The following ACACB variants were observed in gnomAD, a reference collection of about 807,000 sequenced individuals.
The protein encoded by ACACB is acetyl-CoA carboxylase beta.
In ACACB, 209 loss-of-function variants were observed where a neutral mutation model predicts 278.8. The observed-to-expected ratio is 0.75, with a 90% CI of 0.67 to 0.84. The LOEUF is 0.84. Among genes scored for constraint, ACACB ranks in the 40% least tolerant of loss-of-function variants. The probability of loss-of-function intolerance (pLI) is 0.00; values close to 1 mark genes in which losing one functional copy is unlikely to be tolerated. For synonymous variants in ACACB, 1,174 were observed against 1,285.6 expected (o/e 0.91, Z 1.86); for missense variants, 2,850 against 3,269.0 (o/e 0.87, Z 3.13).
At chr12:109,258,408 C>G (rs1565981062) in intron 46 of ACACB, 44 bp downstream of exon 46, 3 of 1,539,502 alleles carry the variant, frequency 1.9e-6, no homozygotes, top group Non-Finnish European at 2.7e-6. Flanking sequence ...GCCAGCGGTA[C>G]TGTCGAGAGT....
chr12:109,124,208 C>T (rs1374684927), intron 1 of ACACB, among the ~76,000 whole-genome samples: 1 of 152,076 alleles, frequency 6.6e-6, no homozygotes, highest in Non-Finnish European at 1.5e-5. Context: ...TTATTCAAAT[C>T]AGGACCCACA....
chr12:109,179,332 G>A (rs1403305433), intron 10 of ACACB, 35 bp downstream of exon 10: 1 of 1,596,084 alleles, frequency 6.3e-7, no homozygotes, highest in Admixed American at 1.7e-5. Flanking sequence ...CAGCTTCAGA[G>A]AGAGCCGTCT....
intron 47 of ACACB, 54 bp downstream of exon 47, chr12:109,259,162 C>T: frequency 6.3e-7 from 1 of 1,592,620 alleles, no homozygotes; most frequent in South Asian, 1.1e-5. Context: ...GCACCCAGGA[C>T]AGCACCCTCT....
chr12:109,146,786 C>G (rs962437617), intron 2 of ACACB, among the ~76,000 whole-genome samples: 2 of 152,038 alleles, frequency 1.3e-5, no homozygotes, highest in African/African-American at 4.8e-5. Flanking sequence ...GTGATCCTCC[C>G]GTCTCAGCCT....
chr12:109,140,010 A>T lies in ACACB; in HGVS notation c.605A>T (p.Glu202Val). The T allele has an allele frequency of 6.2e-7, 1 of 1,609,822 alleles. No individual in the cohort carries two copies. The highest frequency in any genetic ancestry group is 8.5e-7 in the Non-Finnish European group (1 of 1,179,528). The change falls in exon 2 of 53, where the codon GAG (glutamate) becomes GTG (valine). Residue 202 changes from glutamate to valine, a missense_variant. Transcript: ENST00000338432. ...GCCAGCTTGGGGGCCCTGTCCCTGG[A>T]GGCTTATCTGACCACAGGTGAAGCT... ...SRASLGALSL[E>V]AYLTTGEAET...
At chr12:109,231,224 A>T (rs1275799552) in intron 28 of ACACB, among the ~76,000 whole-genome samples, 1 of 152,110 alleles carries the variant, frequency 6.6e-6, no homozygotes, top group East Asian at 1.9e-4. Context: ...TCCCCCTGCG[A>T]TGGGGCTGCT....
In ACACB at chr12:109,150,836, C is replaced by T. The variant is rs12302388; in HGVS notation, c.653+10778C>T. Among the ~76,000 whole-genome samples, 673 of 152,294 alleles carry T rather than the reference C, an allele frequency of 4.4e-3. 7 individuals are homozygous for T. The highest frequency in any genetic ancestry group is 0.015 in the African/African-American group (638 of 41,550). On this transcript the variant is annotated intron_variant, in intron 2 of 52. Transcript: ENST00000338432. ...TTTTATGCGCCCCTGAGTGAAATGC[C>T]AAGGATCTTCCTGTAATGTTTAATT...
intron 7 of ACACB, among the ~76,000 whole-genome samples, chr12:109,174,951 C>A (rs1019341258): frequency 1.4e-4 from 22 of 152,032 alleles, no homozygotes; most frequent in African/African-American, 5.1e-4. Flanking sequence ...GTAAAAAATA[C>A]ACTTTACACC....
chr12:109,134,186 G>T (rs1295595617), intron 1 of ACACB, among the ~76,000 whole-genome samples: 1 of 152,108 alleles, frequency 6.6e-6, no homozygotes, highest in African/African-American at 2.4e-5. Context: ...CACCCAGTCG[G>T]TCAGGGAGAA....
intron 7 of ACACB, among the ~76,000 whole-genome samples, chr12:109,175,056 T>C (rs1327479414): frequency 6.6e-6 from 1 of 152,226 alleles, no homozygotes; most frequent in African/African-American, 2.4e-5. Context: ...TTCCAATTTA[T>C]TTTTTCTAAT....
At chr12:109,182,090 A>C (rs976182946) in intron 11 of ACACB, among the ~76,000 whole-genome samples, 6 of 151,550 alleles carry the variant, frequency 4.0e-5, no homozygotes, top group Non-Finnish European at 8.8e-5. Flanking sequence ...TGATCTACCC[A>C]CCTCAGCCTC....
rs1565857508 is a variant in ACACB, at chr12:109,140,272, T to TCCATCCA, written c.653+214_653+215insCCATCCA. Among the ~76,000 whole-genome samples the TCCATCCA allele has an allele frequency of 1.1e-3, 18 of 17,072 alleles. 1 individual carries two copies. The highest frequency in any genetic ancestry group is 3.6e-3 in the African/African-American group (18 of 5,064). The allele number at this position is 17,072 out of a possible 152,430, so 11.2% of individuals were successfully genotyped here. On this transcript the variant is annotated intron_variant, in intron 2 of 52. Transcript: ENST00000338432. The stretch of plus-strand genomic sequence containing the variant: ...CTTCCTTCCATCCTTCCTTCCTTCT[T>TCCATCCA]TCCTTCCTTCCTTCCTTCCTTCCTT...
chr12:109,128,103 G>T (rs536306688), intron 1 of ACACB, among the ~76,000 whole-genome samples: 1 of 152,066 alleles, frequency 6.6e-6, no homozygotes, highest in South Asian at 2.1e-4. Context: ...AACCCGGAAG[G>T]TATCCTCTCT....
chr12:109,177,400 A>G (rs901667434), intron 9 of ACACB, among the ~76,000 whole-genome samples: 2 of 152,160 alleles, frequency 1.3e-5, no homozygotes, highest in South Asian at 2.1e-4. Context: ...TTGGGGAGAA[A>G]GACTTAGTTA....
At chr12:109,199,903 T>C (rs1000242864) in intron 18 of ACACB, among the ~76,000 whole-genome samples, 2 of 151,718 alleles carry the variant, frequency 1.3e-5, no homozygotes, top group Non-Finnish European at 2.9e-5. Flanking sequence ...GTCCCAGCTA[T>C]GCAGGAGGCT....
At chr12:109,220,070 G>T (rs987199996) in intron 24 of ACACB, among the ~76,000 whole-genome samples, 6 of 152,160 alleles carry the variant, frequency 3.9e-5, no homozygotes, top group Admixed American at 2.6e-4. Context: ...TCGTTCTTCT[G>T]TGCACATATT....
At position 109,199,994 on chromosome 12, in the gene ACACB, T is replaced by C. The variant is rs560229499; in HGVS notation, c.2778+442T>C. On this transcript the variant is annotated intron_variant, in intron 18 of 52. Transcript: ENST00000338432. ...TTGCAGTGAGCTGAGATGGCGCCAC[T>C]GCACTCCAGCCTGAGCGACAGAGAA... Among the ~76,000 whole-genome samples, 4 of 141,546 alleles carry C rather than the reference T, an allele frequency of 2.8e-5. No homozygotes were observed. The South Asian group carries it at 9.0e-4, about 32-fold the overall frequency. 92.9% of individuals were successfully genotyped at this position (141,546 alleles called of 152,430 possible).
At chr12:109,143,068 G>A (rs1011349265) in intron 2 of ACACB, among the ~76,000 whole-genome samples, 12 of 152,168 alleles carry the variant, frequency 7.9e-5, no homozygotes, top group Admixed American at 6.5e-4. Flanking sequence ...GATTGTGGGC[G>A]ATTCAAAGGC....
chr12:109,260,582 G>C lies in ACACB; in HGVS notation c.6599G>C (p.Arg2200Pro). The part of the protein sequence containing the change: ...LIYIPPYAEL[R>P]GGSWVVIDAT... ...TATATCCCGCCCTATGCGGAGCTCC[G>C]GGGAGGCTCCTGGGTGGTCATAGAT... is the stretch of plus-strand genomic sequence containing the variant. The change falls in exon 48 of 53, where the codon CGG becomes CCG. Residue 2200 changes from arginine to proline, a missense_variant. By Grantham distance (103) the Arg-to-Pro change is moderately radical (BLOSUM62 -2). This residue lies in a region of ACACB where 579 missense variants were observed against 684.6 expected (regional missense o/e 0.85). Transcript: ENST00000338432. 6.2e-7 allele frequency: 1 copy of C among 1,613,276 alleles called. No homozygotes were observed. Among genetic ancestry groups the C allele is most frequent in the Non-Finnish European group, 8.5e-7 (1 of 1,179,672 alleles).
Sources: allele counts gnomAD v4.1 joint callset (sites outside exome capture counted in the v4.1 genomes callset), GRCh38; gene constraint gnomAD v4.1.1; regional missense constraint gnomAD v4.1.1; transcripts MANE v1.5; gene names NCBI Gene and HGNC (gene_info 2026-07-23, HGNC 2026-07-21).